GPHN: variants seen among roughly 807,000 people sequenced by gnomAD.
GPHN encodes the protein gephyrin.
In GPHN, 17 loss-of-function variants were observed where a neutral mutation model predicts 95.5. The observed-to-expected ratio is 0.18, with a 90% CI of 0.12 to 0.27. The LOEUF is 0.27. Among genes scored for constraint, GPHN ranks in the 10% least tolerant of loss-of-function variants. The pLI, the probability that GPHN is intolerant of heterozygous loss-of-function variation, is 1.00. For synonymous variants in GPHN, 320 were observed against 322.5 expected (o/e 0.99, Z 0.08); for missense variants, 660 against 978.1 (o/e 0.67, Z 4.34).
chr14:67,088,921 A>G, intron 11 of GPHN, 62 bp from the exon 12 acceptor site: 1 of 921,144 alleles, frequency 1.1e-6, no homozygotes, highest in Admixed American at 1.7e-5. Context: ...CATCTTGTTT[A>G]TGACTGCCTG....
the GPHN span, among the ~76,000 whole-genome samples, chr14:67,635,850 TA>T: frequency 2.0e-5 from 3 of 152,142 alleles, no homozygotes; most frequent in Non-Finnish European, 4.4e-5. Flanking sequence ...AAACTTCATC[TA>T]AAAAAAATTT....
chr14:66,575,205 C>T lies in GPHN; in HGVS notation c.64+66614C>T, dbSNP rs1221055338. On this transcript the variant is annotated intron_variant, in intron 1 of 22. Transcript: ENST00000478722. ...AGGACAGCTTGCTGAGTATAGTGTTCTTGGTTGACAGATTTTTTTTCCCTC... is the reference window on the plus strand; with the variant it reads ...AGGACAGCTTGCTGAGTATAGTGTTTTTGGTTGACAGATTTTTTTTCCCTC... Among the ~76,000 whole-genome samples, 2 of 151,604 alleles carry T rather than the reference C, an allele frequency of 1.3e-5. 1 individual carries two copies. The highest frequency in any genetic ancestry group is 2.9e-5 in the Non-Finnish European group (2 of 67,800).
chr14:67,734,902 G>C, the GPHN span, among the ~76,000 whole-genome samples: 2 of 152,166 alleles, frequency 1.3e-5, no homozygotes, highest in African/African-American at 4.8e-5. Context: ...TCACAGCTTG[G>C]CCAGCTCACA....
chr14:67,603,800 G>A, the GPHN span, among the ~76,000 whole-genome samples: 1 of 152,196 alleles, frequency 6.6e-6, no homozygotes, highest in Non-Finnish European at 1.5e-5. Context: ...GCTGAGGTCA[G>A]CCTCCCAAGT....
At chr14:66,545,702 A>C (rs1479847208) in intron 1 of GPHN, among the ~76,000 whole-genome samples, 10 of 82,146 alleles carry the variant, frequency 1.2e-4, no homozygotes, top group South Asian at 4.4e-4. Context: ...GGCGCCCCTC[A>C]CCTCCCGGAC....
At chr14:66,886,045 A>G (rs911090904) in intron 5 of GPHN, among the ~76,000 whole-genome samples, 2 of 152,224 alleles carry the variant, frequency 1.3e-5, no homozygotes, top group Non-Finnish European at 2.9e-5. Context: ...CTTTAAAACA[A>G]CTATCTTAAA....
the GPHN span, chr14:67,569,277 GGGA>G: frequency 2.0e-5 from 25 of 1,223,732 alleles, no homozygotes; most frequent in Non-Finnish European, 2.8e-5. Context: ...TGGGCAAGCG[GGGA>G]GGAGAAGACT....
the GPHN span, chr14:67,572,047 G>C: frequency 1.4e-5 from 21 of 1,501,446 alleles, no homozygotes; most frequent in Middle Eastern, 1.7e-4. Context: ...ACCGGGTCCC[G>C]GGTGGGTGGT....
At chr14:66,659,032 ATTGAT>A (rs2065473555) in intron 1 of GPHN, among the ~76,000 whole-genome samples, 1 of 151,546 alleles carries the variant, frequency 6.6e-6, no homozygotes, top group Non-Finnish European at 1.5e-5. Context: ...TGCTTATATT[ATTGAT>A]TTGAGACTTT....
chr14:67,340,118 A>G, the GPHN span: 2 of 242,236 alleles, frequency 8.3e-6, no homozygotes, highest in South Asian at 7.2e-5. Context: ...TCAGTTACAG[A>G]TCAAACTCCT....
chr14:67,312,336 G>A, the GPHN span, among the ~76,000 whole-genome samples: 2 of 152,122 alleles, frequency 1.3e-5, no homozygotes, highest in Non-Finnish European at 2.9e-5. Context: ...CCACCACTTT[G>A]GGAGGCTGAG....
chr14:67,541,108 G>C, the GPHN span, among the ~76,000 whole-genome samples: 1 of 152,204 alleles, frequency 6.6e-6, no homozygotes, highest in Non-Finnish European at 1.5e-5. Context: ...AAGTGGGATG[G>C]ATGATTCGAT....
chr14:66,990,020 G>A (rs2071297226), intron 9 of GPHN, among the ~76,000 whole-genome samples: 1 of 152,046 alleles, frequency 6.6e-6, no homozygotes, highest in Non-Finnish European at 1.5e-5. Flanking sequence ...AATTTATAAA[G>A]AAAAAAGGTC....
At chr14:66,581,038 A>G (rs2061143496) in intron 1 of GPHN, among the ~76,000 whole-genome samples, 1 of 151,834 alleles carries the variant, frequency 6.6e-6, no homozygotes, top group Non-Finnish European at 1.5e-5. Flanking sequence ...TCATACATTA[A>G]TAGAATAAAT....
At chr14:66,987,603 A>C (rs1391947595) in intron 9 of GPHN, among the ~76,000 whole-genome samples, 2 of 152,218 alleles carry the variant, frequency 1.3e-5, no homozygotes, top group Non-Finnish European at 2.9e-5. Flanking sequence ...GTCAAATTTC[A>C]TAATATTTAA....
chr14:67,018,700 G>T (rs556946441), intron 9 of GPHN, among the ~76,000 whole-genome samples: 19 of 152,286 alleles, frequency 1.2e-4, no homozygotes, highest in Admixed American at 5.2e-4. Flanking sequence ...AATGAGGAGG[G>T]TGTGTAATCA....
At chr14:66,657,544 A>G (rs2065375709) in intron 1 of GPHN, among the ~76,000 whole-genome samples, 2 of 152,206 alleles carry the variant, frequency 1.3e-5, no homozygotes, top group Non-Finnish European at 2.9e-5. Flanking sequence ...AGGCTGACTC[A>G]TGAGTTAGTG....
chr14:67,625,987 C>T, the GPHN span, among the ~76,000 whole-genome samples: 1 of 152,192 alleles, frequency 6.6e-6, no homozygotes, highest in East Asian at 1.9e-4. Context: ...GGTGTGGCGG[C>T]TTACACCTGT....
chr14:66,615,614 T>G (rs571195713), intron 1 of GPHN, among the ~76,000 whole-genome samples: 10 of 152,226 alleles, frequency 6.6e-5, no homozygotes, highest in Non-Finnish European at 1.3e-4. Flanking sequence ...TTCTGGATAT[T>G]AGACCTTTGT....
Sources: gnomAD v4.1 joint callset for allele counts (sites outside exome capture counted in the v4.1 genomes callset) on GRCh38, gnomAD v4.1.1 for gene constraint, MANE v1.5 for transcripts, NCBI Gene and HGNC (gene_info 2026-07-23, HGNC 2026-07-21) for gene names.